Variants in FGD6 observed in about 807,000 individuals in gnomAD.
FGD6 encodes FYVE, RhoGEF and PH domain containing 6, also known as FYVE, RhoGEF and PH domain-containing protein 6.
A neutral mutation model predicts 149.4 loss-of-function variants in FGD6; 90 were observed. That is an observed-to-expected ratio of 0.60 (90% CI 0.51 to 0.72). FGD6 has a LOEUF of 0.72. Ranked by LOEUF, FGD6 falls within the 30% of genes least tolerant of loss-of-function variation. The pLI is 0.00. For synonymous variants in FGD6, 527 were observed against 584.0 expected, an observed-to-expected ratio of 0.90 and a Z score of 1.41; for missense variants, 1,437 against 1,684.8, an observed-to-expected ratio of 0.85 and a Z score of 2.57.
intron 1 of FGD6, among the ~76,000 whole-genome samples, chr12:95,215,466 G>T (rs2056748666): frequency 6.6e-6 from 1 of 152,152 alleles, no homozygotes; most frequent in Non-Finnish European, 1.5e-5. Flanking sequence ...AGAATGGGTA[G>T]AAATAAAACC....
intron 2 of FGD6, among the ~76,000 whole-genome samples, chr12:95,184,016 G>A (rs1565918255): frequency 6.6e-6 from 1 of 152,124 alleles, no homozygotes; most frequent in Non-Finnish European, 1.5e-5. Context: ...TCTAGACTCT[G>A]CCATGATACA....
chr12:95,166,199 C>A (rs565620903), intron 3 of FGD6, among the ~76,000 whole-genome samples: 2 of 152,096 alleles, frequency 1.3e-5, no homozygotes, highest in Non-Finnish European at 2.9e-5. Flanking sequence ...TAGGCATGAG[C>A]CACCATACCC....
rs762539505 is a variant in FGD6 at position 95,152,952 on chromosome 12, G to C, written c.2628C>G (p.Ala876=). ...CTTTCTCTGAGCTCATGATCTCCTT[G>C]GCAATATGATGAACTTTACTTTTCA... ...NGMKSKVHHI[A]KEIMSSEKVF... Residue 876 remains alanine, a synonymous_variant, in exon 4 of 21, where the codon GCC becomes GCG. Transcript: ENST00000343958. The C allele has an allele frequency of 3.1e-6, 5 of 1,613,982 alleles. No homozygotes were observed. The highest frequency in any genetic ancestry group is 3.4e-6 in the Non-Finnish European group (4 of 1,179,972).
chr12:95,209,795 T>G lies in FGD6; in HGVS notation c.1489A>C (p.Lys497Gln), dbSNP rs200898390. Residue 497 changes from lysine (K) to glutamine (Q), a missense_variant, in exon 2 of 21, where the codon AAA becomes CAA. Lys to Gln is a moderately conservative substitution (Grantham distance 53). Transcript: ENST00000343958. ...GGCAAGCTATGTCTTTGAGGTTTTT[T>G]GGGGACAATTCGTAGAGAATTTTCC... is the stretch of plus-strand genomic sequence containing the variant. Reference protein sequence around the residue: ...KEENSLRIVPKKPQRHSLPAT... With the variant: ...KEENSLRIVPQKPQRHSLPAT... The G allele has an allele frequency of 6.7e-5, 108 of 1,611,672 alleles. 1 individual carries two copies. In the East Asian group the frequency reaches 2.2e-3, roughly 33 times the overall value.
chr12:95,134,694 T>C (rs768170618), intron 8 of FGD6, 45 bp downstream of exon 8: 16 of 1,568,750 alleles, frequency 1.0e-5, no homozygotes, highest in African/African-American at 1.3e-5. Context: ...AGTTGGCTGA[T>C]GGATAAACCA....
intron 8 of FGD6, among the ~76,000 whole-genome samples, chr12:95,120,563 A>G (rs897387849): frequency 8.6e-5 from 13 of 151,700 alleles, no homozygotes; most frequent in Middle Eastern, 3.4e-3. Flanking sequence ...GTGTGCGCCT[A>G]TAGTCCCAGC....
At chr12:95,160,309 T>C (rs149973408) in intron 3 of FGD6, among the ~76,000 whole-genome samples, 3,246 of 152,138 alleles carry the variant, frequency 0.021, 47 homozygotes, top group Admixed American at 0.032. Flanking sequence ...GAAATGTAAA[T>C]TAAAACCACA....
chr12:95,209,175 CTTCTT>C lies in FGD6; in HGVS notation c.2104_2108del (p.Lys702GlufsTer12). 6.2e-7 allele frequency: 1 copy of C among 1,614,146 alleles called. No homozygotes were observed. ...TGGTCTGGCCCCGAGACTTCTTCCT[CTTCTT>C]TTGAGATTCCAGGCTATAGTTTTCT... On this transcript the variant is annotated frameshift_variant, in exon 2 of 21. Coordinates refer to ENST00000343958, the MANE Select transcript of FGD6 (RefSeq NM_018351.4). LOFTEE classifies it high-confidence loss of function.
chr12:95,155,948 T>C (rs974928133), intron 3 of FGD6, among the ~76,000 whole-genome samples: 1 of 152,218 alleles, frequency 6.6e-6, no homozygotes, highest in Admixed American at 6.5e-5. Flanking sequence ...TGAACATAAA[T>C]TGTGAAGATT....
chr12:95,086,013 A>T, intron 18 of FGD6, 105 bp from the exon 19 acceptor site: 1 of 1,088,590 alleles, frequency 9.2e-7, no homozygotes, highest in African/African-American at 1.6e-5. Flanking sequence ...TAATGATAGA[A>T]TGTTTCAGAA....
At chr12:95,113,608 TA>T in intron 9 of FGD6, 42 bp downstream of exon 9, 1 of 1,433,960 alleles carries the variant, frequency 7.0e-7, no homozygotes, top group Non-Finnish European at 9.7e-7. Flanking sequence ...CCTACCTAAA[TA>T]AACATAATAT....
chr12:95,172,635 T>C lies in FGD6; in HGVS notation c.2551A>G (p.Ser851Gly). The C allele has an allele frequency of 6.2e-7, 1 of 1,612,484 alleles. No individual in the cohort carries two copies. The highest frequency in any genetic ancestry group is 1.7e-5 in the Admixed American group (1 of 59,932). ...SDEDDVSSES[S>G]KGEPDPLEDK... is the part of the protein sequence containing the mutation. ...TCCAGTGGGTCAGGCTCTCCTTTAC[T>C]TGACTCAGAGCTGACATCATCTTCA... Residue 851 changes from serine to glycine, a missense_variant, in exon 3 of 21, where the codon AGT becomes GGT. By Grantham distance (56) the Ser-to-Gly change is moderately conservative. Coordinates refer to ENST00000343958, the MANE Select transcript of FGD6 (RefSeq NM_018351.4).
At chr12:95,146,635 A>G (rs1318266430) in intron 5 of FGD6, among the ~76,000 whole-genome samples, 1 of 152,204 alleles carries the variant, frequency 6.6e-6, no homozygotes, top group African/African-American at 2.4e-5. Context: ...AAGATTCTGC[A>G]TGCAAAATTG....
intron 15 of FGD6, 104 bp from the exon 16 acceptor site, chr12:95,092,949 A>T (rs1160204757): frequency 1.5e-6 from 2 of 1,308,044 alleles, no homozygotes; most frequent in African/African-American, 2.9e-5. Context: ...GGTCAGGCAC[A>T]GCAGCTCACG....
chr12:95,076,758 G>T lies in FGD6; in HGVS notation c.*4762C>A, dbSNP rs1877506159. 2 of 151,866 alleles carry T rather than the reference G, an allele frequency of 1.3e-5. No individual in the cohort carries two copies. Among genetic ancestry groups the T allele is most frequent in the Admixed American group, 1.3e-4 (2 of 15,230 alleles). 9.4% of individuals were successfully genotyped at this position (151,866 alleles called of 1,614,324 possible). A position where few individuals can be genotyped will look rare whatever the true frequency, so the allele number is the denominator to read the frequency against. On this transcript the variant is annotated 3_prime_UTR_variant, in exon 21 of 21. Coordinates refer to ENST00000343958, the MANE Select transcript of FGD6 (RefSeq NM_018351.4). Reference sequence around the variant, plus strand: ...AATCACACCAACAAAATATATTATAGTAAATTTATTTTGTATAAATACATA... The same window carrying T: ...AATCACACCAACAAAATATATTATATTAAATTTATTTTGTATAAATACATA...
chr12:95,212,254 C>G lies in FGD6; in HGVS notation c.17-987G>C, dbSNP rs538703704. ...GTTTCTGGGGATAGATCCTGGACAT[C>G]TGTACATCTTTTAAGTTCCACAGGT... is the stretch of plus-strand genomic sequence containing the variant. On this transcript the variant is annotated intron_variant, in intron 1 of 20. Transcript: ENST00000343958. Among the ~76,000 whole-genome samples, 9 of 152,326 alleles carry G rather than the reference C, an allele frequency of 5.9e-5. No homozygotes were observed. In the East Asian group the frequency reaches 1.7e-3, roughly 29 times the overall value.
intron 2 of FGD6, among the ~76,000 whole-genome samples, chr12:95,173,901 T>G (rs946280068): frequency 6.6e-6 from 1 of 152,086 alleles, no homozygotes; most frequent in African/African-American, 2.4e-5. Flanking sequence ...AAAGATAAAT[T>G]TTCTGCCAGT....
intron 2 of FGD6, among the ~76,000 whole-genome samples, chr12:95,180,079 C>A (rs1244264079): frequency 5.8e-4 from 81 of 138,684 alleles, no homozygotes; most frequent in Admixed American, 4.3e-4. Flanking sequence ...ACTCTGCCTC[C>A]AAAAAAAAAA....
chr12:95,162,437 G>A, intron 3 of FGD6, among the ~76,000 whole-genome samples: 1 of 152,138 alleles, frequency 6.6e-6, no homozygotes, highest in East Asian at 1.9e-4. Context: ...TGAAGCATGA[G>A]AGTCACTTAA....
Sources: allele counts gnomAD v4.1 joint callset (sites outside exome capture counted in the v4.1 genomes callset), GRCh38; gene constraint gnomAD v4.1.1; transcripts MANE v1.5; gene names NCBI Gene and HGNC (gene_info 2026-07-23, HGNC 2026-07-21).